The following FBXO22 variants were observed in gnomAD, a reference collection of about 807,000 sequenced individuals.
FBXO22 encodes F-box protein 22, also known as F-box only protein 22.
A neutral mutation model predicts 37.2 loss-of-function variants in FBXO22; 13 were observed. The ratio of observed to expected loss-of-function variants is 0.35; its 90% confidence interval spans 0.23 to 0.56. The LOEUF (loss-of-function observed/expected upper bound fraction) is 0.56. Ranked by LOEUF, FBXO22 falls within the 20% of genes least tolerant of loss-of-function variation. The probability of loss-of-function intolerance (pLI) is 0.87; values close to 1 mark genes in which losing one functional copy is unlikely to be tolerated. For missense variants in FBXO22, 446 were observed against 509.9 expected (o/e 0.87, Z 1.21); for synonymous variants, 189 against 189.1 (o/e 1.00, Z 0.00).
intron 5 of FBXO22, among the ~76,000 whole-genome samples, chr15:75,925,269 C>CATAACA (rs1900413895): frequency 6.6e-6 from 1 of 152,088 alleles, no homozygotes; most frequent in Non-Finnish European, 1.5e-5. Context: ...TAAAACAATA[C>CATAACA]GTAACAGGTT....
chr15:75,906,013 T>C (rs1299199473), intron 2 of FBXO22, among the ~76,000 whole-genome samples: 2 of 152,260 alleles, frequency 1.3e-5, no homozygotes, highest in African/African-American at 4.8e-5. Context: ...TTTATTTATA[T>C]CTGTACACTC....
At chr15:75,917,131 A>G (rs1030891544) in intron 4 of FBXO22, 99 bp from the exon 5 acceptor site, 41 of 852,468 alleles carry the variant, frequency 4.8e-5, no homozygotes, top group African/African-American at 8.7e-5. Flanking sequence ...TTTTACTCAG[A>G]TAGTGGCTTG....
chr15:75,909,114 A>C (rs1899991960), intron 2 of FBXO22, among the ~76,000 whole-genome samples: 1 of 152,194 alleles, frequency 6.6e-6, no homozygotes, highest in African/African-American at 2.4e-5. Context: ...CATCCTTTTC[A>C]TTTAATTCAG....
intron 5 of FBXO22, among the ~76,000 whole-genome samples, chr15:75,929,413 C>T (rs2029925745): frequency 6.6e-6 from 1 of 152,032 alleles, no homozygotes; most frequent in Non-Finnish European, 1.5e-5. Flanking sequence ...GCAGGGGGCA[C>T]TGTTCACCAC....
At chr15:75,925,493 A>G (rs935971530) in intron 5 of FBXO22, among the ~76,000 whole-genome samples, 3 of 152,050 alleles carry the variant, frequency 2.0e-5, no homozygotes, top group Non-Finnish European at 2.9e-5. Flanking sequence ...AGATTCCAAA[A>G]AAGTGTGAAG....
chr15:75,912,300 G>A (rs527337996), intron 2 of FBXO22, among the ~76,000 whole-genome samples: 64 of 152,232 alleles, frequency 4.2e-4, no homozygotes, highest in African/African-American at 1.4e-3. Context: ...AGTTAGGGAC[G>A]AGTCCCTCTT....
chr15:75,918,317 T>C (rs1278028891), intron 5 of FBXO22, among the ~76,000 whole-genome samples: 3 of 146,670 alleles, frequency 2.0e-5, no homozygotes, highest in Non-Finnish European at 3.0e-5. Context: ...TCCCTGACAA[T>C]GTGGAAAAAA....
chr15:75,904,826 C>CT (rs3991408), intron 2 of FBXO22, among the ~76,000 whole-genome samples, 197 bp downstream of exon 2: 70,113 of 135,472 alleles, frequency 0.52, 19,396 homozygotes, highest in African/African-American at 0.63. Context: ...AATGTTGGGC[C>CT]TTTTTTTTTT....
At chr15:75,905,202 A>G (rs1031146710) in intron 2 of FBXO22, among the ~76,000 whole-genome samples, 1 of 152,182 alleles carries the variant, frequency 6.6e-6, no homozygotes, top group Non-Finnish European at 1.5e-5. Context: ...GCTTCCCTTG[A>G]AGCAACTTTT....
intron 4 of FBXO22, 139 bp from the exon 5 acceptor site, chr15:75,917,091 T>C (rs890424034): frequency 4.8e-6 from 3 of 620,546 alleles, no homozygotes; most frequent in Admixed American, 6.7e-5. Flanking sequence ...ATCATGACAC[T>C]ACACCCTAAA....
At chr15:75,914,350 A>G in intron 4 of FBXO22, 145 bp downstream of exon 4, 1 of 616,126 alleles carries the variant, frequency 1.6e-6, no homozygotes, top group East Asian at 2.8e-5. Context: ...CCATGGCATT[A>G]TATTTGCCTT....
Position 75,933,195 on chromosome 15 carries a change from C to T in FBXO22, c.*93C>T. On this transcript the variant is annotated 3_prime_UTR_variant, in exon 7 of 7. Transcript: ENST00000308275. ...CCATGTGTATTTCAAACAAAAATAA[C>T]TTTAGATATATCTTTTTTGTAGCTT... 9.6e-7 allele frequency: 1 copy of T among 1,045,046 alleles called. No homozygotes were observed. The highest frequency in any genetic ancestry group is 2.4e-5 in the East Asian group (1 of 41,262). 64.7% of individuals were successfully genotyped at this position (1,045,046 alleles called of 1,614,324 possible).
chr15:75,905,453 A>G, intron 2 of FBXO22: 1 of 152,394 alleles, frequency 6.6e-6, no homozygotes, highest in South Asian at 2.1e-4. Context: ...ATTTGACAGT[A>G]AAGTGCCAAC....
At chr15:75,906,471 A>G (rs1346493541) in intron 2 of FBXO22, among the ~76,000 whole-genome samples, 1 of 152,204 alleles carries the variant, frequency 6.6e-6, no homozygotes, top group Non-Finnish European at 1.5e-5. Context: ...ATGAGTTCAC[A>G]CAGGTGCATC....
rs2030927249 is a variant in FBXO22 at position 75,941,271 on chromosome 15, A to T, written c.*8169A>T. Reference sequence around the variant, plus strand: ...CACTGGGATAGCTCTTATTAAAATTAAAAAAACACACAAGTGTTGGCAAGG... The same window carrying T: ...CACTGGGATAGCTCTTATTAAAATTTAAAAAACACACAAGTGTTGGCAAGG... On this transcript the variant is annotated 3_prime_UTR_variant, in exon 7 of 7. Coordinates refer to ENST00000308275, the MANE Select transcript of FBXO22 (RefSeq NM_147188.3). The T allele has an allele frequency of 6.6e-6, 1 of 152,136 alleles. No individual in the cohort carries two copies. Among genetic ancestry groups the T allele is most frequent in the Non-Finnish European group, 1.5e-5 (1 of 67,982 alleles). 9.4% of individuals were successfully genotyped at this position (152,136 alleles called of 1,614,324 possible).
intron 2 of FBXO22, among the ~76,000 whole-genome samples, chr15:75,912,686 T>C (rs1281834121): frequency 6.6e-6 from 1 of 152,154 alleles, no homozygotes; most frequent in Non-Finnish European, 1.5e-5. Context: ...TGGCTAGCAG[T>C]CTATTTTGTT....
intron 3 of FBXO22, 67 bp downstream of exon 3, chr15:75,913,357 A>G: frequency 9.3e-7 from 1 of 1,075,766 alleles, no homozygotes; most frequent in South Asian, 1.3e-5. Context: ...GGAGTTCAAT[A>G]TTATACTTGT....
At position 75,938,577 on chromosome 15, in the gene FBXO22, A is replaced by T. The variant is rs1020585245; in HGVS notation, c.*5475A>T. ...ATAAATGAACAAAATCAGAATATCA[A>T]CAGATAGGCATTATAAAAAAATTCT... On this transcript the variant is annotated 3_prime_UTR_variant, in exon 7 of 7. Transcript: ENST00000308275. The T allele has an allele frequency of 6.6e-6, 1 of 152,266 alleles. No homozygotes were observed. The highest frequency in any genetic ancestry group is 1.5e-5 in the Non-Finnish European group (1 of 68,052). 9.4% of individuals were successfully genotyped at this position (152,266 alleles called of 1,614,324 possible).
intron 6 of FBXO22, chr15:75,930,789 GTAAACACTAC>G: frequency 1.0e-6 from 1 of 985,404 alleles, no homozygotes; most frequent in Middle Eastern, 5.2e-4. Context: ...CTCAATGCTT[GTAAACACTAC>G]TATTTGTTTC....
Sources: gnomAD v4.1 joint callset for allele counts (sites outside exome capture counted in the v4.1 genomes callset) on GRCh38, gnomAD v4.1.1 for gene constraint, MANE v1.5 for transcripts, NCBI Gene and HGNC (gene_info 2026-07-23, HGNC 2026-07-21) for gene names.